FGF12: variants seen among roughly 807,000 people sequenced by gnomAD.
The protein encoded by FGF12 is fibroblast growth factor 12B.
FGF12 carries 14 observed loss-of-function variants against 23.6 expected under a neutral mutation model. That is an observed-to-expected ratio of 0.59 (90% CI 0.39 to 0.93). The LOEUF is 0.93. Among genes scored for constraint, FGF12 ranks in the 40% least tolerant of loss-of-function variants. The pLI, the probability that FGF12 is intolerant of heterozygous loss-of-function variation, is 0.00. For synonymous variants in FGF12, 62 were observed against 77.3 expected (o/e 0.80, Z 1.04); for missense variants, 175 against 217.8 (o/e 0.80, Z 1.24).
chr3:192,461,768 C>T (rs952181008), intron 2 of FGF12, among the ~76,000 whole-genome samples: 1 of 152,058 alleles, frequency 6.6e-6, no homozygotes, highest in Non-Finnish European at 1.5e-5. Flanking sequence ...GCAGGGGGAT[C>T]ATCTGAGGTC....
chr3:192,274,465 T>C (rs1190556301), intron 4 of FGF12, among the ~76,000 whole-genome samples: 1 of 152,092 alleles, frequency 6.6e-6, no homozygotes, highest in Non-Finnish European at 1.5e-5. Flanking sequence ...AGAAGATACA[T>C]AGTAATAAAA....
At chr3:192,370,599 C>T (rs541729052) in intron 2 of FGF12, among the ~76,000 whole-genome samples, 1 of 152,208 alleles carries the variant, frequency 6.6e-6, no homozygotes, top group East Asian at 1.9e-4. Flanking sequence ...GCCCCACATG[C>T]TTCAGAGGCC....
chr3:192,602,532 C>T (rs905565), intron 2 of FGF12, among the ~76,000 whole-genome samples: 41,652 of 151,952 alleles, frequency 0.27, 6,147 homozygotes, highest in East Asian at 0.52. Context: ...GTTGAATTAA[C>T]GCTGATAAGA....
At chr3:192,292,295 A>T (rs1714798855) in intron 4 of FGF12, among the ~76,000 whole-genome samples, 1 of 151,698 alleles carries the variant, frequency 6.6e-6, no homozygotes, top group South Asian at 2.1e-4. Flanking sequence ...AATACCAAAC[A>T]ATTTTTTTTT....
At chr3:192,249,418 C>G (rs1711853539) in intron 4 of FGF12, among the ~76,000 whole-genome samples, 1 of 152,118 alleles carries the variant, frequency 6.6e-6, no homozygotes, top group South Asian at 2.1e-4. Context: ...GACTCAGCCC[C>G]CACAGAATAT....
chr3:192,580,726 G>A (rs556065220), intron 2 of FGF12, among the ~76,000 whole-genome samples: 1 of 152,256 alleles, frequency 6.6e-6, no homozygotes, highest in South Asian at 2.1e-4. Context: ...TCCTGCCTTA[G>A]CCTCCTGAGT....
At chr3:192,227,580 TAAAAAAAAAAAA>T (rs778525112) in intron 4 of FGF12, among the ~76,000 whole-genome samples, 1 of 60,278 alleles carries the variant, frequency 1.7e-5, no homozygotes, top group African/African-American at 6.1e-5. Context: ...GAACTTAAAG[TAAAAAAAAAAAA>T]AAAAAAGAAA....
intron 5 of FGF12, among the ~76,000 whole-genome samples, chr3:192,146,824 T>G (rs1019104037): frequency 6.6e-6 from 1 of 152,206 alleles, no homozygotes; most frequent in African/African-American, 2.4e-5. Flanking sequence ...TGAGCGGTAT[T>G]GCAAATTGAC....
chr3:192,539,320 C>T (rs550469177), intron 2 of FGF12, among the ~76,000 whole-genome samples: 3 of 152,102 alleles, frequency 2.0e-5, no homozygotes, highest in Admixed American at 2.0e-4. Flanking sequence ...TTCTTCTATA[C>T]CCAGATTTTT....
rs1338982899 is a variant in FGF12 at position 192,225,616 on chromosome 3, TAA to T, written c.229-54962_229-54961del. Among the ~76,000 whole-genome samples the T allele has an allele frequency of 1.1e-4, 16 of 152,034 alleles. No individual in the cohort carries two copies. In the East Asian group the frequency reaches 3.1e-3, roughly 29 times the overall value. On this transcript the variant is annotated intron_variant, in intron 4 of 5. Coordinates refer to ENST00000445105, the MANE Select transcript of FGF12 (RefSeq NM_004113.6). ...CTTCTACTCCTACTTTATATATATA[TAA>T]GATAATTAAAAACATGTATCTACAC...
chr3:192,465,617 A>G (rs369547417), intron 2 of FGF12, among the ~76,000 whole-genome samples: 2 of 152,282 alleles, frequency 1.3e-5, no homozygotes, highest in East Asian at 3.9e-4. Context: ...CAGACTGTCT[A>G]TACAAACAAT....
chr3:192,696,603 C>T (rs1278236697), intron 2 of FGF12, among the ~76,000 whole-genome samples: 3 of 152,118 alleles, frequency 2.0e-5, no homozygotes, highest in African/African-American at 7.2e-5. Context: ...GGGTATGAAG[C>T]CTGACTTCAC....
intron 2 of FGF12, among the ~76,000 whole-genome samples, chr3:192,462,381 G>T (rs886373961): frequency 6.6e-6 from 1 of 151,968 alleles, no homozygotes; most frequent in Non-Finnish European, 1.5e-5. Context: ...GGAAGGAACT[G>T]GTGGCTCTAC....
Position 192,400,140 on chromosome 3 carries a change from A to C in FGF12, c.14-39602T>G, listed in dbSNP as rs375312799. Reference sequence around the variant, plus strand: ...GAGGCATTAACATAAGTGTGGTTACAAGCATGGAGTCTGGGAGGCCTATAA... The same window carrying C: ...GAGGCATTAACATAAGTGTGGTTACCAGCATGGAGTCTGGGAGGCCTATAA... On this transcript the variant is annotated intron_variant, in intron 2 of 5. Transcript: ENST00000445105. 1.1e-3 allele frequency among the ~76,000 whole-genome samples: 160 copies of C among 152,314 alleles called. 4 individuals carry two copies. The South Asian group carries it at 0.031, about 29-fold the overall frequency.
At chr3:192,449,547 A>G (rs1722460785) in intron 2 of FGF12, among the ~76,000 whole-genome samples, 1 of 151,972 alleles carries the variant, frequency 6.6e-6, no homozygotes, top group South Asian at 2.1e-4. Flanking sequence ...TAAGCATTGG[A>G]CCCCTCTAGA....
At chr3:192,639,841 C>T (rs1715724259) in intron 2 of FGF12, among the ~76,000 whole-genome samples, 1 of 151,878 alleles carries the variant, frequency 6.6e-6, no homozygotes, top group African/African-American at 2.4e-5. Context: ...AAACCAAACC[C>T]CTATAGACAC....
chr3:192,613,678 C>T (rs1285706531), intron 2 of FGF12, among the ~76,000 whole-genome samples: 1 of 151,652 alleles, frequency 6.6e-6, no homozygotes. Context: ...ATCAATTTTC[C>T]CAGTTAAGAG....
At chr3:192,341,880 G>T (rs1159985275) in intron 3 of FGF12, among the ~76,000 whole-genome samples, 1 of 109,302 alleles carries the variant, frequency 9.1e-6, no homozygotes, top group Non-Finnish European at 2.1e-5. Context: ...AAAAAATTGA[G>T]AAAATGTAAA....
At chr3:192,531,831 A>G (rs4312609) in intron 2 of FGF12, among the ~76,000 whole-genome samples, 97,962 of 151,976 alleles carry the variant, frequency 0.64, 32,241 homozygotes, top group East Asian at 0.86. Context: ...GGAGGTGTTA[A>G]TCTGATGGCA....
Sources: allele counts gnomAD v4.1 joint callset (sites outside exome capture counted in the v4.1 genomes callset), GRCh38; gene constraint gnomAD v4.1.1; transcripts MANE v1.5; gene names NCBI Gene and HGNC (gene_info 2026-07-23, HGNC 2026-07-21).